Variants in AKAP4 observed in about 807,000 individuals in gnomAD.
AKAP4 encodes the protein A-kinase anchoring protein 4.
Under a neutral mutation model 42.6 loss-of-function variants are expected in AKAP4, and 4 were observed. The observed-to-expected ratio is 0.09, with a 90% CI of 0.05 to 0.22. The LOEUF (loss-of-function observed/expected upper bound fraction) is 0.22, where lower values mean the gene tolerates loss of function less well. Ranked by LOEUF, AKAP4 falls within the 10% of genes least tolerant of loss-of-function variation. The pLI is 1.00. For synonymous variants in AKAP4, 223 were observed against 233.0 expected (o/e 0.96, Z 0.39); for missense variants, 551 against 630.7 (o/e 0.87, Z 1.35).
chrX:50,193,573 G>A lies in AKAP4; in HGVS notation c.1140C>T (p.Ser380=), dbSNP rs140947270. ...VLLRHTKEIV[S]DLIDSCMKNL... ...TCTTCATGCAAGAATCAATCAAATCGGACACAATCTCCTTGGTGTGCCTTA... is the reference window on the plus strand; with the variant it reads ...TCTTCATGCAAGAATCAATCAAATCAGACACAATCTCCTTGGTGTGCCTTA... The change falls in exon 5 of 6, where the codon TCC becomes TCT. Residue 380 remains serine (S), a synonymous_variant. Coordinates refer to ENST00000358526, the MANE Select transcript of AKAP4 (RefSeq NM_003886.3). 121 of 1,209,909 alleles carry A rather than the reference G, an allele frequency of 1.0e-4. 1 individual carries two copies. Among genetic ancestry groups the A allele is most frequent in the African/African-American group, 8.9e-4 (51 of 57,288 alleles).
intron 2 of AKAP4, 139 bp downstream of exon 2, chrX:50,198,518 C>A (rs949169824): frequency 1.1e-4 from 48 of 437,990 alleles, no homozygotes; most frequent in Non-Finnish European, 1.8e-4. Context: ...AGCATGCTGG[C>A]CCCTGACAGA....
At chrX:50,197,515 G>T in intron 3 of AKAP4, 29 bp downstream of exon 3, 1 of 1,166,487 alleles carries the variant, frequency 8.6e-7, no homozygotes, top group Non-Finnish European at 1.2e-6. Flanking sequence ...GCTTCCCACC[G>T]ATTCTGACTC....
At chrX:50,197,880 G>A in intron 2 of AKAP4, among the ~76,000 whole-genome samples, 1 of 112,081 alleles carries the variant, frequency 8.9e-6, no homozygotes, top group Non-Finnish European at 1.9e-5. Context: ...ATATCCACAT[G>A]TATTAATTGA....
chrX:50,197,449 C>A, intron 3 of AKAP4, 95 bp downstream of exon 3: 1 of 829,755 alleles, frequency 1.2e-6, no homozygotes, highest in East Asian at 3.4e-5. Context: ...CTCCTTTCCC[C>A]TCTCTCCCCC....
At chrX:50,198,535 T>G in intron 2 of AKAP4, 122 bp downstream of exon 2, 14 of 472,181 alleles carry the variant, frequency 3.0e-5, no homozygotes, top group Non-Finnish European at 3.3e-5. Context: ...CAGACCTTGT[T>G]GAGCTTGGTT....
At position 50,193,688 on chromosome X, in the gene AKAP4, G is replaced by C; in HGVS notation, c.1025C>G (p.Ser342Cys). The change falls in exon 5 of 6, where the codon TCT becomes TGT. Residue 342 changes from serine to cysteine, a missense_variant. Coordinates refer to ENST00000358526, the MANE Select transcript of AKAP4 (RefSeq NM_003886.3). ...CTTCATGAGAGAGACCATCATGTCA[G>C]ATGCCACCTGATTTGCATAAACCAT... ...GLMVYANQVA[S>C]DMMVSLMKTL... The C allele has an allele frequency of 8.3e-7, 1 of 1,211,600 alleles. No individual in the cohort carries two copies. Among genetic ancestry groups the C allele is most frequent in the Non-Finnish European group, 1.1e-6 (1 of 895,470 alleles).
rs913781798 is a variant in AKAP4 at position 50,199,067 on chromosome X, A to G, written c.28-315T>C. Among the ~76,000 whole-genome samples, 36 of 111,236 alleles carry G rather than the reference A, an allele frequency of 3.2e-4. 1 individual carries two copies. Among genetic ancestry groups the G allele is most frequent in the Admixed American group, 1.9e-4 (2 of 10,462 alleles). ...GAAATCTAGTGACTTTGGGGATTAC[A>G]TTTAGTGATTTACTTCTACCCAACT... On this transcript the variant is annotated intron_variant, in intron 1 of 5. Transcript: ENST00000358526.
rs782456419 is a variant in AKAP4, at chrX:50,196,926, C to T, written c.241G>A (p.Val81Met). Residue 81 changes from valine (V) to methionine (M), a missense_variant, in exon 4 of 6, where the codon GTG becomes ATG. Val to Met is a conservative substitution (Grantham distance 21). Transcript: ENST00000358526. ...LGSLEEKEII[V>M]IKDTEKKDQS... ...TCTTTCTTCTCAGTGTCCTTGATCA[C>T]GATAATCTCTTTTTCTTCCAGACTT... is the stretch of plus-strand genomic sequence containing the variant. 1.7e-4 allele frequency: 210 copies of T among 1,207,873 alleles called. 2 individuals carry two copies. The South Asian group carries it at 3.5e-3, about 20-fold the overall frequency.
At position 50,193,435 on chromosome X, in the gene AKAP4, C is replaced by G; in HGVS notation, c.1278G>C (p.Met426Ile). 8.3e-7 allele frequency: 1 copy of G among 1,211,871 alleles called. No individual in the cohort carries two copies. Among genetic ancestry groups the G allele is most frequent in the Non-Finnish European group, 1.1e-6 (1 of 895,615 alleles). ...KQNATDIMEA[M>I]LKRLVSALIG... is the part of the protein sequence containing the mutation. ...TAAGGGCACTGACCAAGCGCTTCAG[C>G]ATGGCCTCCATGATGTCTGTAGCAT... Residue 426 changes from methionine (M) to isoleucine (I), a missense_variant, in exon 5 of 6, where the codon ATG becomes ATC. Physicochemically the swap from Met to Ile is conservative, Grantham distance 10. Transcript: ENST00000358526.
At chrX:50,200,744 G>T in intron 1 of AKAP4, 119 bp downstream of exon 1, 1 of 648,694 alleles carries the variant, frequency 1.5e-6, no homozygotes, top group South Asian at 2.8e-5. Flanking sequence ...ATCTTTTCTG[G>T]GTATCCCAAA....
intron 1 of AKAP4, chrX:50,200,083 G>T: frequency 3.5e-6 from 1 of 284,051 alleles, no homozygotes; most frequent in Non-Finnish European, 4.7e-6. Flanking sequence ...ACTCTGAAGA[G>T]GGAGTTTCTT....
At chrX:50,191,669 AAAG>A (rs1935113640) in intron 5 of AKAP4, among the ~76,000 whole-genome samples, 73 of 63,742 alleles carry the variant, frequency 1.1e-3, no homozygotes, top group African/African-American at 3.2e-3. Context: ...TGAGAGAGAG[AAAG>A]AGAGAGAGAG....
In AKAP4 at chrX:50,192,726, C is replaced by T; in HGVS notation, c.1987G>A (p.Ala663Thr). ...NKCSEPRASK[A>T]ASMSNRSDKA... ...TCAGATCTGTTGGACATGGAAGCTG[C>T]TTTGCTTGCCCTGGGCTCAGAACAC... The change falls in exon 5 of 6, where the codon GCA (alanine) becomes ACA (threonine). Residue 663 changes from alanine (A) to threonine (T), a missense_variant. Transcript: ENST00000358526. 6 of 1,212,039 alleles carry T rather than the reference C, an allele frequency of 5.0e-6. No homozygotes were observed. The highest frequency in any genetic ancestry group is 6.7e-6 in the Non-Finnish European group (6 of 895,614).
chrX:50,194,363 T>A lies in AKAP4; in HGVS notation c.350A>T (p.Asp117Val). ...PVSVLNWLLSDLQKYALGFQH... is the reference protein window; with the variant it reads ...PVSVLNWLLSVLQKYALGFQH... The stretch of plus-strand genomic sequence containing the variant: ...GAAACCCAAGGCATACTTCTGGAGA[T>A]CACTGAGAAGCCAGTTGAGGACACT... The change falls in exon 5 of 6, where the codon GAT (aspartate) becomes GTT (valine). Residue 117 changes from aspartate to valine, a missense_variant. Physicochemically the swap from Asp to Val is radical, Grantham distance 152. Coordinates refer to ENST00000358526, the MANE Select transcript of AKAP4 (RefSeq NM_003886.3). 8.3e-7 allele frequency: 1 copy of A among 1,209,836 alleles called. No individual in the cohort carries two copies. The highest frequency in any genetic ancestry group is 1.1e-6 in the Non-Finnish European group (1 of 895,004).
intron 2 of AKAP4, among the ~76,000 whole-genome samples, 199 bp from the exon 3 acceptor site, chrX:50,197,793 G>A (rs1482599328): frequency 8.9e-6 from 1 of 111,791 alleles, no homozygotes; most frequent in Non-Finnish European, 1.9e-5. Context: ...ATTATTGTTA[G>A]GCAGACAGAA....
chrX:50,194,015 T>C lies in AKAP4; in HGVS notation c.698A>G (p.His233Arg), dbSNP rs17174078. Residue 233 changes from histidine (H) to arginine (R), a missense_variant, in exon 5 of 6, where the codon CAT becomes CGT. By Grantham distance (29) the His-to-Arg change is conservative (BLOSUM62 0). Transcript: ENST00000358526. ...TTCCAACTTCTCCTTGATTTCCTTA[T>C]GGGCCATCTGGATTACCAGAGAAGA... ...RLSSLVIQMA[H>R]KEIKEKLEGK... 4.9e-4 allele frequency: 596 copies of C among 1,209,764 alleles called. 2 individuals carry two copies. In the African/African-American group the frequency reaches 6.5e-3, roughly 13 times the overall value.
At chrX:50,197,645 T>C (rs782797107) in intron 2 of AKAP4, 51 bp from the exon 3 acceptor site, 9 of 1,069,473 alleles carry the variant, frequency 8.4e-6, no homozygotes, top group Non-Finnish European at 1.2e-5. Flanking sequence ...GAAAGGGGCA[T>C]AATTTCTCTT....
chrX:50,198,716 C>T lies in AKAP4; in HGVS notation c.64G>A (p.Gly22Ser). 3 of 1,209,221 alleles carry T rather than the reference C, an allele frequency of 2.5e-6. No homozygotes were observed. Among genetic ancestry groups the T allele is most frequent in the Non-Finnish European group, 3.4e-6 (3 of 893,983 alleles). ...DDIDWLRSHR[G>S]VCKVDLYNPE... is the part of the protein sequence containing the mutation. Reference sequence around the variant, plus strand: ...TTGTAGAGATCTACCTTGCACACACCCCTGTGGCTGCGTAACCAGTCAATA... The same window carrying T: ...TTGTAGAGATCTACCTTGCACACACTCCTGTGGCTGCGTAACCAGTCAATA... Residue 22 changes from glycine to serine, a missense_variant, in exon 2 of 6, where the codon GGT becomes AGT. Gly to Ser is a moderately conservative substitution (Grantham distance 56). Coordinates refer to ENST00000358526, the MANE Select transcript of AKAP4 (RefSeq NM_003886.3).
chrX:50,194,541 T>G (rs1439808358), intron 4 of AKAP4, 105 bp from the exon 5 acceptor site: 5 of 638,955 alleles, frequency 7.8e-6, no homozygotes, highest in Admixed American at 8.2e-5. Flanking sequence ...TTTTGGAGTT[T>G]GTATGGGAAC....
Sources: allele counts gnomAD v4.1 joint callset (sites outside exome capture counted in the v4.1 genomes callset), GRCh38; gene constraint gnomAD v4.1.1; transcripts MANE v1.5; gene names NCBI Gene and HGNC (gene_info 2026-07-23, HGNC 2026-07-21).